OPHN1: variants seen among roughly 807,000 people sequenced by gnomAD.
OPHN1 encodes oligophrenin 1, also known as oligophrenin-1.
In OPHN1, 11 loss-of-function variants were observed where a neutral mutation model predicts 60.7. The observed-to-expected ratio is 0.18, with a 90% confidence interval of 0.11 to 0.30. The LOEUF is 0.30. Ranked by LOEUF, OPHN1 falls within the 10% of genes least tolerant of loss-of-function variation. OPHN1 has a pLI of 1.00. For missense variants in OPHN1, 449 were observed against 611.0 expected (o/e 0.73, Z 2.80); for synonymous variants, 226 against 222.6 (o/e 1.02, Z -0.14).
intron 13 of OPHN1, among the ~76,000 whole-genome samples, 153 bp downstream of exon 13, chrX:68,194,312 C>T (rs1326367056): frequency 8.9e-6 from 1 of 112,190 alleles, no homozygotes; most frequent in African/African-American, 3.2e-5. Flanking sequence ...TTACCAGACA[C>T]ATTTAAAAAA....
At chrX:68,184,333 C>T (rs1229640351) in intron 15 of OPHN1, among the ~76,000 whole-genome samples, 1 of 110,704 alleles carries the variant, frequency 9.0e-6, no homozygotes, top group Non-Finnish European at 1.9e-5. Context: ...ACCAGCCTGG[C>T]CAACATGGTG....
At position 68,375,520 on chromosome X, in the gene OPHN1, T is replaced by G. The variant is rs778647789; in HGVS notation, c.154+57347A>C. Among the ~76,000 whole-genome samples, 3 of 111,448 alleles carry G rather than the reference T, an allele frequency of 2.7e-5. No individual in the cohort carries two copies. The East Asian group carries it at 8.5e-4, about 32-fold the overall frequency. ...TTATTTGAATATGCCTCTATTTTAC[T>G]TAGATGAGAAGAGCTAACATTTACA... On this transcript the variant is annotated intron_variant, in intron 2 of 24. Coordinates refer to ENST00000355520, the MANE Select transcript of OPHN1 (RefSeq NM_002547.3).
chrX:68,045,963 C>T lies in OPHN1; in HGVS notation c.*1209G>A, dbSNP rs906436412. The T allele has an allele frequency of 6.3e-5, 7 of 111,500 alleles. No homozygotes were observed. The highest frequency in any genetic ancestry group is 3.8e-4 in the Admixed American group (4 of 10,474). 9.2% of individuals were successfully genotyped at this position (111,500 alleles called of 1,213,427 possible). On this transcript the variant is annotated 3_prime_UTR_variant, in exon 25 of 25. Coordinates refer to ENST00000355520, the MANE Select transcript of OPHN1 (RefSeq NM_002547.3). ...CTACCTTGCTCTGCCTCAGTTCCCCCGACTGGAAACTGGGCAGTTGTTAGA... is the reference window on the plus strand; with the variant it reads ...CTACCTTGCTCTGCCTCAGTTCCCCTGACTGGAAACTGGGCAGTTGTTAGA...
At chrX:68,159,976 C>T (rs2147400901) in intron 15 of OPHN1, among the ~76,000 whole-genome samples, 1 of 103,678 alleles carries the variant, frequency 9.6e-6, no homozygotes, top group East Asian at 3.3e-4. Flanking sequence ...TCAAAAGGCA[C>T]ATATTTTCAG....
rs751388377 is a variant in OPHN1, at chrX:68,396,540, C to T, written c.154+36327G>A. Among the ~76,000 whole-genome samples, 4 of 110,243 alleles carry T rather than the reference C, an allele frequency of 3.6e-5. No individual in the cohort carries two copies. In the South Asian group the frequency reaches 1.6e-3, roughly 43 times the overall value. ...TCTGAATACGAATGAGTTGGCCAGG[C>T]GCTGTGGCTCACGCCTGTAATCCCA... On this transcript the variant is annotated intron_variant, in intron 2 of 24. Coordinates refer to ENST00000355520, the MANE Select transcript of OPHN1 (RefSeq NM_002547.3).
intron 3 of OPHN1, among the ~76,000 whole-genome samples, chrX:68,285,370 C>T (rs778797714): frequency 9.0e-6 from 1 of 111,392 alleles, no homozygotes; most frequent in South Asian, 3.8e-4. Context: ...TACAAATTTC[C>T]TTCCAAACAC....
chrX:68,186,475 T>TAAA lies in OPHN1; in HGVS notation c.1276+6441_1276+6443dup, dbSNP rs748164914. On this transcript the variant is annotated intron_variant, in intron 15 of 24. Coordinates refer to ENST00000355520, the MANE Select transcript of OPHN1 (RefSeq NM_002547.3). ...TACAGCATGTTTGACAATATTACAGTAAAAAAAAAAAAAAGCTAGTGGCAA... is the reference window on the plus strand; with the variant it reads ...TACAGCATGTTTGACAATATTACAGTAAAAAAAAAAAAAAAAAGCTAGTGGCAA... Among the ~76,000 whole-genome samples the TAAA allele has an allele frequency of 2.3e-4, 18 of 77,318 alleles. 1 individual carries two copies. The Middle Eastern group carries it at 0.023, about 98-fold the overall frequency. 67.1% of individuals were successfully genotyped at this position (77,318 alleles called of 115,157 possible). A position where few individuals can be genotyped will look rare whatever the true frequency, so the allele number is the denominator to read the frequency against.
In OPHN1 at chrX:68,046,914, C is replaced by T. The variant is rs1341128727; in HGVS notation, c.*258G>A. 2 of 111,393 alleles carry T rather than the reference C, an allele frequency of 1.8e-5. No homozygotes were observed. The highest frequency in any genetic ancestry group is 3.3e-5 in the African/African-American group (1 of 30,537). 9.2% of individuals were successfully genotyped at this position (111,393 alleles called of 1,213,427 possible). On this transcript the variant is annotated 3_prime_UTR_variant, in exon 25 of 25. Coordinates refer to ENST00000355520, the MANE Select transcript of OPHN1 (RefSeq NM_002547.3). ...TTGGCAGAGTCTGGCTTGAGGGAGTCCAGCTCTTCACAGTGTTATAGGAAC... is the reference window on the plus strand; with the variant it reads ...TTGGCAGAGTCTGGCTTGAGGGAGTTCAGCTCTTCACAGTGTTATAGGAAC...
intron 5 of OPHN1, among the ~76,000 whole-genome samples, chrX:68,255,678 C>T (rs1214331548): frequency 1.8e-5 from 2 of 109,704 alleles, no homozygotes; most frequent in South Asian, 4.0e-4. Flanking sequence ...CTTGCCAGCC[C>T]GTACAATCAT....
intron 20 of OPHN1, among the ~76,000 whole-genome samples, chrX:68,072,646 G>A (rs923942379): frequency 2.7e-5 from 3 of 111,099 alleles, no homozygotes; most frequent in African/African-American, 9.8e-5. Flanking sequence ...GGAGTAGGAG[G>A]GCAGAGGCAC....
chrX:68,269,374 T>C (rs1187063996), intron 5 of OPHN1, among the ~76,000 whole-genome samples: 1 of 111,584 alleles, frequency 9.0e-6, no homozygotes, highest in Non-Finnish European at 1.9e-5. Flanking sequence ...AGCATGGTAT[T>C]GGTACCAAAA....
At position 68,131,712 on chromosome X, in the gene OPHN1, G is replaced by T. The variant is rs184251863; in HGVS notation, c.1277-12380C>A. ...ATCAAGTGGATAAACAGTAAGTAAA[G>T]ATGTAGAAGACTTAAATAACAATCT... On this transcript the variant is annotated intron_variant, in intron 15 of 24. Transcript: ENST00000355520. 5.5e-3 allele frequency among the ~76,000 whole-genome samples: 612 copies of T among 111,752 alleles called. 3 individuals are homozygous for T. Among genetic ancestry groups the T allele is most frequent in the Non-Finnish European group, 7.4e-3 (392 of 53,174 alleles).
At chrX:68,384,721 C>CA (rs749261692) in intron 2 of OPHN1, among the ~76,000 whole-genome samples, 11,641 of 84,677 alleles carry the variant, frequency 0.14, 617 homozygotes, top group African/African-American at 0.16. Context: ...GACTCCATCT[C>CA]AAAAAAAAAA....
intron 2 of OPHN1, among the ~76,000 whole-genome samples, chrX:68,371,164 A>G (rs760229999): frequency 1.8e-5 from 2 of 110,632 alleles, no homozygotes; most frequent in Non-Finnish European, 3.8e-5. Flanking sequence ...CAGTGGTTCC[A>G]TAACATTATA....
chrX:68,061,375 C>T (rs5919515), intron 21 of OPHN1, among the ~76,000 whole-genome samples: 24,588 of 110,220 alleles, frequency 0.22, 2,181 homozygotes, highest in Middle Eastern at 0.28. Context: ...GGCTGAGTTA[C>T]TGTGTGCGCT....
chrX:68,210,491 C>T (rs762107465), intron 8 of OPHN1, among the ~76,000 whole-genome samples: 6 of 111,740 alleles, frequency 5.4e-5, no homozygotes, highest in South Asian at 3.8e-4. Context: ...AAAAATATAA[C>T]GAGCAATATA....
intron 6 of OPHN1, among the ~76,000 whole-genome samples, chrX:68,232,221 AG>A (rs771925115): frequency 8.9e-6 from 1 of 111,880 alleles, no homozygotes; most frequent in Non-Finnish European, 1.9e-5. Flanking sequence ...AGGGTCCAGA[AG>A]ACCACCCCAA....
Position 68,196,635 on chromosome X carries a change from C to T in OPHN1, c.1104+551G>A, listed in dbSNP as rs185072414. Among the ~76,000 whole-genome samples the T allele has an allele frequency of 7.2e-5, 8 of 111,785 alleles. No individual in the cohort carries two copies. The East Asian group carries it at 1.7e-3, about 24-fold the overall frequency. Reference sequence around the variant, plus strand: ...TAACCCTTTCAAGGGATTGCTTGTCCTCCTGCATAACCGTGTTCTAAATGG... The same window carrying T: ...TAACCCTTTCAAGGGATTGCTTGTCTTCCTGCATAACCGTGTTCTAAATGG... On this transcript the variant is annotated intron_variant, in intron 12 of 24. Coordinates refer to ENST00000355520, the MANE Select transcript of OPHN1 (RefSeq NM_002547.3).
chrX:68,424,152 GC>G (rs1225279751), intron 2 of OPHN1, among the ~76,000 whole-genome samples: 1 of 106,770 alleles, frequency 9.4e-6, no homozygotes, highest in African/African-American at 3.4e-5. Flanking sequence ...GGGCAACAGA[GC>G]TAGACTCCAT....
Sources: allele counts gnomAD v4.1 joint callset (sites outside exome capture counted in the v4.1 genomes callset), GRCh38; gene constraint gnomAD v4.1.1; transcripts MANE v1.5; gene names NCBI Gene and HGNC (gene_info 2026-07-23, HGNC 2026-07-21).